The following ITGA8 variants were observed in gnomAD, a reference collection of about 807,000 sequenced individuals.
The protein encoded by ITGA8 is integrin subunit alpha 8, also known as integrin alpha-8.
Under a neutral mutation model 142.3 loss-of-function variants are expected in ITGA8, and 91 were observed. The observed-to-expected ratio is 0.64, with a 90% CI of 0.54 to 0.76. ITGA8 has a LOEUF of 0.76. ITGA8 is among the 30% of genes least tolerant of loss of function. ITGA8 has a pLI of 0.00. For synonymous variants in ITGA8, 505 were observed against 485.2 expected (o/e 1.04, Z -0.54); for missense variants, 1,406 against 1,327.7 (o/e 1.06, Z -0.92).
chr10:15,553,195 T>A (rs1833823077), intron 26 of ITGA8, among the ~76,000 whole-genome samples: 1 of 151,804 alleles, frequency 6.6e-6, no homozygotes, highest in African/African-American at 2.4e-5. Context: ...AGGCCGAGGT[T>A]ACAGTAAGCT....
At chr10:15,690,824 A>C (rs1462346042) in intron 2 of ITGA8, among the ~76,000 whole-genome samples, 1 of 152,152 alleles carries the variant, frequency 6.6e-6, no homozygotes, top group Non-Finnish European at 1.5e-5. Context: ...TACTGCACCC[A>C]CCTAGAACCA....
Position 15,558,167 on chromosome 10 carries a change from G to T in ITGA8, c.2673C>A (p.Ser891Arg). The T allele has an allele frequency of 6.2e-7, 1 of 1,614,222 alleles. No individual in the cohort carries two copies. Among genetic ancestry groups the T allele is most frequent in the Non-Finnish European group, 8.5e-7 (1 of 1,180,038 alleles). Residue 891 changes from serine to arginine, a missense_variant, in exon 26 of 30, where the codon AGC becomes AGA. Ser to Arg is a moderately radical substitution (Grantham distance 110). Transcript: ENST00000378076. ...AASPEDTPEL[S>R]AFLRNSTIPH... ...GAATAGTAGAGTTTCGCAAAAAGGCGCTGAGCTCAGGGGTGTCCTCTGGGG... is the reference window on the plus strand; with the variant it reads ...GAATAGTAGAGTTTCGCAAAAAGGCTCTGAGCTCAGGGGTGTCCTCTGGGG...
chr10:15,624,435 C>T (rs1833545612), intron 13 of ITGA8, among the ~76,000 whole-genome samples: 1 of 152,208 alleles, frequency 6.6e-6, no homozygotes, highest in Non-Finnish European at 1.5e-5. Flanking sequence ...ATTCTGGGCA[C>T]TTTGATGTAC....
intron 28 of ITGA8, among the ~76,000 whole-genome samples, chr10:15,519,745 G>C: frequency 6.6e-6 from 1 of 152,096 alleles, no homozygotes; most frequent in Non-Finnish European, 1.5e-5. Flanking sequence ...TGGGAACAAT[G>C]GCCAAAAGTA....
intron 27 of ITGA8, among the ~76,000 whole-genome samples, chr10:15,535,105 G>C (rs888428415): frequency 6.6e-6 from 1 of 152,122 alleles, no homozygotes; most frequent in African/African-American, 2.4e-5. Flanking sequence ...GGTGTGCTGG[G>C]TCCCCCAGCA....
chr10:15,530,392 A>G (rs1833263461), intron 28 of ITGA8, among the ~76,000 whole-genome samples: 1 of 152,048 alleles, frequency 6.6e-6, no homozygotes, highest in African/African-American at 2.4e-5. Context: ...TGAAAAATAC[A>G]AAAATTAGCT....
intron 25 of ITGA8, among the ~76,000 whole-genome samples, chr10:15,560,572 G>T (rs1377454135): frequency 6.6e-6 from 1 of 152,086 alleles, no homozygotes; most frequent in Non-Finnish European, 1.5e-5. Context: ...CACTTTGTAG[G>T]CATATACAGG....
At chr10:15,685,857 G>C (rs1157564328) in intron 3 of ITGA8, among the ~76,000 whole-genome samples, 1 of 152,168 alleles carries the variant, frequency 6.6e-6, no homozygotes, top group East Asian at 1.9e-4. Context: ...TCTCACAAGA[G>C]CACTGTATGG....
At chr10:15,717,863 G>A (rs957458468) in intron 2 of ITGA8, among the ~76,000 whole-genome samples, 3 of 152,078 alleles carry the variant, frequency 2.0e-5, no homozygotes, top group Non-Finnish European at 2.9e-5. Context: ...TTCCATATAC[G>A]CACTAATCAA....
chr10:15,613,801 A>C (rs1290002779), intron 14 of ITGA8, 34 bp from the exon 15 acceptor site: 3 of 1,476,598 alleles, frequency 2.0e-6, no homozygotes, highest in Non-Finnish European at 9.5e-7. Flanking sequence ...TGTTTAAATA[A>C]AACACAAGGG....
intron 20 of ITGA8, 111 bp from the exon 21 acceptor site, chr10:15,597,410 G>A (rs919658278): frequency 1.6e-5 from 12 of 772,406 alleles, no homozygotes; most frequent in Non-Finnish European, 2.5e-5. Flanking sequence ...CCAGGAGGGC[G>A]ATAGTGCAAA....
chr10:15,597,335 G>T, intron 20 of ITGA8, 36 bp from the exon 21 acceptor site: 2 of 1,533,788 alleles, frequency 1.3e-6, no homozygotes, highest in Non-Finnish European at 1.8e-6. Context: ...TAGGGGGCAG[G>T]ATAAATGACA....
intron 15 of ITGA8, 141 bp from the exon 16 acceptor site, chr10:15,608,431 A>C: frequency 1.8e-6 from 1 of 549,066 alleles, no homozygotes; most frequent in Non-Finnish European, 3.2e-6. Context: ...ACACCCACAC[A>C]CACACCCCTT....
chr10:15,695,393 T>A (rs1835031921), intron 2 of ITGA8, among the ~76,000 whole-genome samples: 2 of 152,340 alleles, frequency 1.3e-5, no homozygotes, highest in Non-Finnish European at 1.5e-5. Flanking sequence ...CCTAACATTG[T>A]AATTGAATAA....
intron 22 of ITGA8, among the ~76,000 whole-genome samples, chr10:15,590,946 A>C (rs776207699): frequency 6.6e-6 from 1 of 152,174 alleles, no homozygotes; most frequent in African/African-American, 2.4e-5. Context: ...AATCTATACA[A>C]AGTTTGGGGT....
intron 13 of ITGA8, among the ~76,000 whole-genome samples, chr10:15,629,169 A>G (rs1016898912): frequency 6.6e-6 from 1 of 151,992 alleles, no homozygotes; most frequent in Non-Finnish European, 1.5e-5. Context: ...CCCCAAACTC[A>G]TTAAGCCAAA....
intron 27 of ITGA8, among the ~76,000 whole-genome samples, chr10:15,531,720 C>T (rs1833299970): frequency 6.6e-6 from 1 of 151,892 alleles, no homozygotes; most frequent in South Asian, 2.1e-4. Context: ...GGTGGATCCC[C>T]TGAGGTCAGG....
chr10:15,682,946 A>ATT (rs5783464), intron 4 of ITGA8, among the ~76,000 whole-genome samples: 1 of 151,318 alleles, frequency 6.6e-6, no homozygotes, highest in Non-Finnish European at 1.5e-5. Context: ...TCACTAATCG[A>ATT]TTTTTTCTCT....
At chr10:15,668,295 A>T (rs1834437046) in intron 8 of ITGA8, among the ~76,000 whole-genome samples, 3 of 151,424 alleles carry the variant, frequency 2.0e-5, no homozygotes, top group Admixed American at 6.6e-5. Flanking sequence ...GTCTCTTTTG[A>T]TCTTTGTTGG....
Sources: allele counts gnomAD v4.1 joint callset (sites outside exome capture counted in the v4.1 genomes callset), GRCh38; gene constraint gnomAD v4.1.1; transcripts MANE v1.5; gene names NCBI Gene and HGNC (gene_info 2026-07-23, HGNC 2026-07-21).